The following NAALADL2 variants were observed in gnomAD, a reference collection of about 807,000 sequenced individuals.
NAALADL2 encodes inactive N-acetylated-alpha-linked acidic dipeptidase-like protein 2.
NAALADL2 carries 76 observed loss-of-function variants against 87.2 expected under a neutral mutation model. The ratio of observed to expected loss-of-function variants is 0.87; its 90% confidence interval spans 0.72 to 1.05. The LOEUF is 1.05. NAALADL2 is among the 50% of genes least tolerant of loss of function. NAALADL2 has a pLI of 0.00. For synonymous variants in NAALADL2, 354 were observed against 331.0 expected (o/e 1.07, Z -0.75); for missense variants, 1,089 against 945.8 (o/e 1.15, Z -1.99).
intron 1 of NAALADL2, among the ~76,000 whole-genome samples, chr3:174,914,205 G>A (rs1734070984): frequency 6.6e-6 from 1 of 151,776 alleles, no homozygotes; most frequent in South Asian, 2.1e-4. Context: ...TGGGATTACA[G>A]GCACCCACCA....
intron 2 of NAALADL2, among the ~76,000 whole-genome samples, chr3:174,683,327 C>T (rs548588798): frequency 7.2e-5 from 11 of 152,076 alleles, no homozygotes; most frequent in African/African-American, 2.4e-4. Flanking sequence ...GAGAGAGATA[C>T]AGGTAGAAGG....
rs141076748 is a variant in NAALADL2 at position 175,765,100 on chromosome 3, G to A, written c.2189+9682G>A. On this transcript the variant is annotated intron_variant, in intron 13 of 13. Coordinates refer to ENST00000454872, the MANE Select transcript of NAALADL2 (RefSeq NM_207015.3). ...AACAGTGATTAAGAATTACCATAAT[G>A]CTTTTAACATATTTTAATAGCGACC... Among the ~76,000 whole-genome samples the A allele has an allele frequency of 1.8e-3, 271 of 152,090 alleles. 3 individuals carry two copies. The highest frequency in any genetic ancestry group is 6.3e-3 in the African/African-American group (263 of 41,514).
chr3:174,606,434 C>T (rs997452647), intron 2 of NAALADL2, among the ~76,000 whole-genome samples: 116 of 152,106 alleles, frequency 7.6e-4, no homozygotes, highest in African/African-American at 2.1e-3. Context: ...AAAATTTAGA[C>T]GAATGTATAA....
chr3:175,481,725 G>A (rs990850473), intron 9 of NAALADL2, among the ~76,000 whole-genome samples: 5 of 151,792 alleles, frequency 3.3e-5, no homozygotes, highest in African/African-American at 9.7e-5. Flanking sequence ...AAATTGTCCC[G>A]TGGTTTACTC....
At chr3:175,729,575 T>A (rs1401267566) in intron 11 of NAALADL2, among the ~76,000 whole-genome samples, 1 of 152,142 alleles carries the variant, frequency 6.6e-6, no homozygotes, top group East Asian at 1.9e-4. Flanking sequence ...CAAACACCAA[T>A]CGGTAACCAA....
chr3:175,732,618 C>T (rs1487731423), intron 11 of NAALADL2, among the ~76,000 whole-genome samples: 1 of 152,054 alleles, frequency 6.6e-6, no homozygotes, highest in Non-Finnish European at 1.5e-5. Context: ...CGAGAACATC[C>T]TCATCGTGTG....
chr3:174,985,791 A>T (rs1435410226), intron 1 of NAALADL2, among the ~76,000 whole-genome samples: 2 of 151,996 alleles, frequency 1.3e-5, no homozygotes, highest in African/African-American at 4.8e-5. Context: ...CGTCTATACT[A>T]AACATACAAA....
At position 175,809,511 on chromosome 3, in the gene NAALADL2, T is replaced by TAAAAA. The variant is rs1297830446; in HGVS notation, c.*6332_*6336dup. 6.3e-5 allele frequency: 2 copies of TAAAAA among 31,502 alleles called. No homozygotes were observed. Among genetic ancestry groups the TAAAAA allele is most frequent in the Non-Finnish European group, 5.7e-5 (1 of 17,640 alleles). 2.0% of individuals were successfully genotyped at this position (31,502 alleles called of 1,614,324 possible). ...CAACAAAGTGAGACCCTGTCTCTCT[T>TAAAAA]AAAAAAAAAAAAAAAAAAAAAAAAA... On this transcript the variant is annotated 3_prime_UTR_variant, in exon 14 of 14. Coordinates refer to ENST00000454872, the MANE Select transcript of NAALADL2 (RefSeq NM_207015.3).
At chr3:174,620,522 G>C (rs1720902209) in intron 2 of NAALADL2, among the ~76,000 whole-genome samples, 1 of 151,868 alleles carries the variant, frequency 6.6e-6, no homozygotes, top group African/African-American at 2.4e-5. Flanking sequence ...TTAATAAACA[G>C]AACTGATACA....
At chr3:175,668,314 TTATGTCATG>T (rs1334532881) in intron 11 of NAALADL2, among the ~76,000 whole-genome samples, 13 of 152,324 alleles carry the variant, frequency 8.5e-5, no homozygotes, top group African/African-American at 3.1e-4. Context: ...TTGATAAGTT[TTATGTCATG>T]GCCACAGATC....
rs573704059 is a variant in NAALADL2, at chr3:174,810,541, C to A, written c.-9+72795C>A. 2.3e-4 allele frequency among the ~76,000 whole-genome samples: 34 copies of A among 146,846 alleles called. 1 individual carries two copies. The South Asian group carries it at 7.1e-3, about 31-fold the overall frequency. On this transcript the variant is annotated intron_variant, in intron 3 of 3. Coordinates refer to the NAALADL2 transcript ENST00000434257. The stretch of plus-strand genomic sequence containing the variant: ...GGCATTTGGTGGAAGAAATTTCTAC[C>A]AGAAAAGCATTCAAGATGTAGCTTG...
intron 4 of NAALADL2, among the ~76,000 whole-genome samples, chr3:175,262,789 A>G (rs1264902346): frequency 1.3e-5 from 2 of 151,980 alleles, no homozygotes; most frequent in East Asian, 3.8e-4. Flanking sequence ...TTTACATGAA[A>G]ACAAATCTTT....
chr3:175,287,953 C>A (rs1166784692), intron 4 of NAALADL2, among the ~76,000 whole-genome samples: 2 of 152,132 alleles, frequency 1.3e-5, no homozygotes, highest in Non-Finnish European at 2.9e-5. Context: ...ATACAGTTAA[C>A]TCTCTAATTA....
intron 1 of NAALADL2, among the ~76,000 whole-genome samples, chr3:175,021,239 G>T (rs892207537): frequency 6.6e-6 from 1 of 151,994 alleles, no homozygotes; most frequent in African/African-American, 2.4e-5. Flanking sequence ...TTGTCCATTT[G>T]TTCCTTCATA....
chr3:175,118,165 G>A (rs755053773), intron 2 of NAALADL2, among the ~76,000 whole-genome samples: 5 of 151,802 alleles, frequency 3.3e-5, no homozygotes, highest in Non-Finnish European at 4.4e-5. Flanking sequence ...TGTAAATGAC[G>A]AGTTAATGGG....
At chr3:175,425,428 T>G (rs369190107) in intron 5 of NAALADL2, among the ~76,000 whole-genome samples, 1 of 152,162 alleles carries the variant, frequency 6.6e-6, no homozygotes, top group Middle Eastern at 3.2e-3. Flanking sequence ...TAAAATACAA[T>G]TAAAAATGAA....
intron 9 of NAALADL2, among the ~76,000 whole-genome samples, chr3:175,488,692 T>C (rs1727647259): frequency 6.6e-6 from 1 of 152,234 alleles, no homozygotes; most frequent in African/African-American, 2.4e-5. Flanking sequence ...AAGGCCATAC[T>C]TCACATGCCT....
chr3:174,953,302 T>TC (rs1740657483), intron 1 of NAALADL2, among the ~76,000 whole-genome samples: 14 of 61,186 alleles, frequency 2.3e-4, no homozygotes, highest in Admixed American at 4.8e-4. Flanking sequence ...TTGCCTCCCC[T>TC]CCCCTCCCCT....
At chr3:175,020,905 A>G (rs1751472423) in intron 1 of NAALADL2, among the ~76,000 whole-genome samples, 1 of 152,044 alleles carries the variant, frequency 6.6e-6, no homozygotes, top group Non-Finnish European at 1.5e-5. Flanking sequence ...CAAAGATATT[A>G]GCATCTCTGG....
Sources: allele counts gnomAD v4.1 joint callset (sites outside exome capture counted in the v4.1 genomes callset), GRCh38; gene constraint gnomAD v4.1.1; transcripts MANE v1.5; gene names NCBI Gene and HGNC (gene_info 2026-07-23, HGNC 2026-07-21).